GRM8: variants seen among roughly 807,000 people sequenced by gnomAD.
GRM8 encodes the protein metabotropic glutamate receptor 8.
In GRM8, 47 loss-of-function variants were observed where a neutral mutation model predicts 87.2. That is an observed-to-expected ratio of 0.54 (90% confidence interval 0.43 to 0.69). The LOEUF (loss-of-function observed/expected upper bound fraction) is 0.69. GRM8 is among the 30% of genes least tolerant of loss of function. The pLI is 0.00. For missense variants in GRM8, 1,019 were observed against 1,139.2 expected (o/e 0.89, Z 1.52); for synonymous variants, 396 against 404.5 (o/e 0.98, Z 0.25).
At chr7:127,236,955 G>C (rs566801260) in intron 2 of GRM8, among the ~76,000 whole-genome samples, 1 of 152,174 alleles carries the variant, frequency 6.6e-6, no homozygotes, top group Non-Finnish European at 1.5e-5. Context: ...CTACAACCCA[G>C]TGAGAGAGAC....
chr7:126,819,533 C>T (rs1046825237), intron 6 of GRM8, among the ~76,000 whole-genome samples: 8 of 152,014 alleles, frequency 5.3e-5, no homozygotes, highest in South Asian at 2.1e-4. Flanking sequence ...TTCATCAAAG[C>T]GAAACTAATT....
intron 9 of GRM8, among the ~76,000 whole-genome samples, chr7:126,446,842 G>C (rs1802072870): frequency 6.6e-6 from 1 of 151,908 alleles, no homozygotes; most frequent in Non-Finnish European, 1.5e-5. Flanking sequence ...ACCTGTGCTT[G>C]AATAATGCTA....
At chr7:126,578,327 C>T (rs1795293233) in intron 8 of GRM8, among the ~76,000 whole-genome samples, 1 of 152,114 alleles carries the variant, frequency 6.6e-6, no homozygotes, top group Admixed American at 6.6e-5. Flanking sequence ...TATCCCATTT[C>T]CACTTAGCAT....
chr7:127,058,817 TTTATCTGAATG>T (rs1404892157), intron 3 of GRM8, among the ~76,000 whole-genome samples: 1 of 152,192 alleles, frequency 6.6e-6, no homozygotes, highest in Non-Finnish European at 1.5e-5. Context: ...GGATGAAACA[TTTATCTGAATG>T]TTATCTGAAT....
At chr7:126,813,093 C>A (rs1312290617) in intron 6 of GRM8, among the ~76,000 whole-genome samples, 1 of 151,984 alleles carries the variant, frequency 6.6e-6, no homozygotes, top group Admixed American at 6.6e-5. Flanking sequence ...ATGAAATAAT[C>A]TGTACAACAA....
intron 3 of GRM8, among the ~76,000 whole-genome samples, chr7:126,907,660 C>T (rs545192728): frequency 1.3e-5 from 2 of 152,110 alleles, no homozygotes; most frequent in Non-Finnish European, 2.9e-5. Flanking sequence ...AACTTTCTCA[C>T]TAAATGTTTC....
rs61674303 is a variant in GRM8 at position 127,223,443 on chromosome 7, G to GCACACACA, written c.510+19244_510+19251dup. ...CTCGAAACACACCACACACACACAC[G>GCACACACA]CACACACACACACACACACACACAC... On this transcript the variant is annotated intron_variant, in intron 2 of 10. Coordinates refer to ENST00000339582, the MANE Select transcript of GRM8 (RefSeq NM_000845.3). Among the ~76,000 whole-genome samples, 213 of 144,058 alleles carry GCACACACA rather than the reference G, an allele frequency of 1.5e-3. 4 individuals are homozygous for GCACACACA. The highest frequency in any genetic ancestry group is 0.012 in the Admixed American group (167 of 14,114). 94.5% of individuals were successfully genotyped at this position (144,058 alleles called of 152,430 possible).
chr7:127,225,486 A>G (rs1587325516), intron 2 of GRM8, among the ~76,000 whole-genome samples: 1 of 38,916 alleles, frequency 2.6e-5, no homozygotes, highest in Non-Finnish European at 5.4e-5. Context: ...TATCTGCTGG[A>G]AAAAAAAAAA....
rs530260896 is a variant in GRM8 at position 127,148,423 on chromosome 7, A to C, written c.511-41711T>G. On this transcript the variant is annotated intron_variant, in intron 2 of 10. Coordinates refer to ENST00000339582, the MANE Select transcript of GRM8 (RefSeq NM_000845.3). ...AACAATAGATAGATGAAGCAAAAAA[A>C]AAAAATAATAAGGAAATACTGGACT... is the stretch of plus-strand genomic sequence containing the variant. Among the ~76,000 whole-genome samples, 3 of 152,114 alleles carry C rather than the reference A, an allele frequency of 2.0e-5. No individual in the cohort carries two copies. The South Asian group carries it at 6.2e-4, about 32-fold the overall frequency.
chr7:126,719,901 T>A (rs2151449232), intron 7 of GRM8, among the ~76,000 whole-genome samples: 1 of 151,956 alleles, frequency 6.6e-6, no homozygotes, highest in South Asian at 2.1e-4. Flanking sequence ...TATAGCAAGT[T>A]CTATATTTTT....
chr7:126,506,878 A>G (rs1810558564), intron 9 of GRM8, among the ~76,000 whole-genome samples: 1 of 152,040 alleles, frequency 6.6e-6, no homozygotes, highest in Non-Finnish European at 1.5e-5. Flanking sequence ...CTGAAAGGCA[A>G]CTCTTCCCTT....
At chr7:126,605,078 A>T (rs963447639) in intron 8 of GRM8, among the ~76,000 whole-genome samples, 1 of 144,946 alleles carries the variant, frequency 6.9e-6, no homozygotes, top group African/African-American at 2.9e-5. Context: ...AAAAAGCATT[A>T]AAAAAAGCCC....
chr7:127,122,694 G>A (rs1827156582), intron 2 of GRM8, among the ~76,000 whole-genome samples: 2 of 152,056 alleles, frequency 1.3e-5, no homozygotes, highest in Admixed American at 6.6e-5. Flanking sequence ...TGCAAATGTA[G>A]ACATTTTCTT....
intron 3 of GRM8, among the ~76,000 whole-genome samples, chr7:127,028,260 T>A (rs1817000697): frequency 6.6e-6 from 1 of 152,212 alleles, no homozygotes; most frequent in African/African-American, 2.4e-5. Flanking sequence ...GATTTTCGCA[T>A]TGATGTTCAT....
chr7:126,627,646 A>G (rs1288716486), intron 7 of GRM8, among the ~76,000 whole-genome samples: 1 of 152,102 alleles, frequency 6.6e-6, no homozygotes. Context: ...AATGCCTCCC[A>G]TATTCCCCAG....
At chr7:127,170,578 A>G (rs1246536402) in intron 2 of GRM8, among the ~76,000 whole-genome samples, 1 of 152,212 alleles carries the variant, frequency 6.6e-6, no homozygotes, top group Non-Finnish European at 1.5e-5. Context: ...TTGCAAAAAC[A>G]TGGAACCAGC....
chr7:126,513,884 C>T (rs1269554039), intron 9 of GRM8, among the ~76,000 whole-genome samples: 1 of 152,100 alleles, frequency 6.6e-6, no homozygotes, highest in South Asian at 2.1e-4. Context: ...CTGAATTACT[C>T]TCTCTTCATA....
At chr7:126,946,029 A>C (rs1400782896) in intron 3 of GRM8, among the ~76,000 whole-genome samples, 2 of 152,158 alleles carry the variant, frequency 1.3e-5, no homozygotes, top group Non-Finnish European at 2.9e-5. Flanking sequence ...TCCTACATCC[A>C]CACCCTTTGC....
intron 3 of GRM8, among the ~76,000 whole-genome samples, chr7:126,998,946 C>A (rs1288448782): frequency 6.6e-6 from 1 of 151,772 alleles, no homozygotes. Flanking sequence ...CCCCAACTAG[C>A]CAAAGATATC....
Sources: allele counts gnomAD v4.1 joint callset (sites outside exome capture counted in the v4.1 genomes callset), GRCh38; gene constraint gnomAD v4.1.1; transcripts MANE v1.5; gene names NCBI Gene and HGNC (gene_info 2026-07-23, HGNC 2026-07-21).